CAP2: variants seen among roughly 807,000 people sequenced by gnomAD.
The protein encoded by CAP2 is adenylyl cyclase-associated protein 2.
In CAP2, 24 loss-of-function variants were observed where a neutral mutation model predicts 57.7. The ratio of observed to expected loss-of-function variants is 0.42; its 90% CI spans 0.30 to 0.58. CAP2 has a LOEUF of 0.58. Ranked by LOEUF, CAP2 falls within the 20% of genes least tolerant of loss-of-function variation. The probability of loss-of-function intolerance (pLI) is 0.22; values close to 1 mark genes in which losing one functional copy is unlikely to be tolerated. For synonymous variants in CAP2, 194 were observed against 207.2 expected (o/e 0.94, Z 0.55); for missense variants, 501 against 590.3 (o/e 0.85, Z 1.57).
intron 3 of CAP2, among the ~76,000 whole-genome samples, chr6:17,428,687 G>A (rs1186547824): frequency 1.3e-5 from 2 of 151,598 alleles, no homozygotes; most frequent in Non-Finnish European, 2.9e-5. Context: ...TGACGAGTTA[G>A]TGGGTGCAGC....
chr6:17,431,356 A>G (rs185133930), intron 3 of CAP2, among the ~76,000 whole-genome samples: 202 of 152,354 alleles, frequency 1.3e-3, no homozygotes, highest in Non-Finnish European at 1.5e-3. Flanking sequence ...AATTATTTAA[A>G]ATGAAAGAAC....
rs1376096854 is a variant in CAP2, at chr6:17,474,183, GTCTT to G, written c.300+11112_300+11115del. 4.9e-4 allele frequency among the ~76,000 whole-genome samples: 51 copies of G among 104,734 alleles called. 1 individual carries two copies. The highest frequency in any genetic ancestry group is 1.7e-3 in the African/African-American group (46 of 26,468). The allele number at this position is 104,734 out of a possible 152,430, so 68.7% of individuals were successfully genotyped here. A position where few individuals can be genotyped will look rare whatever the true frequency, so the allele number is the denominator to read the frequency against. On this transcript the variant is annotated intron_variant, in intron 4 of 12. Coordinates refer to ENST00000229922, the MANE Select transcript of CAP2 (RefSeq NM_006366.3). ...CTAATCAAGACAGAGGAAAAAAACA[GTCTT>G]TTTTTTTTTTTTTTTTTTTTTTTGT... is the stretch of plus-strand genomic sequence containing the variant.
rs34235894 is a variant in CAP2, at chr6:17,421,615, G to A, written c.60G>A (p.Ser20=). The change falls in exon 2 of 13, where the codon TCG becomes TCA. Residue 20 remains serine (S), a synonymous_variant. Transcript: ENST00000229922. The part of the protein sequence containing the change: ...RLERAVSRLE[S]LSAESHRPPG... ...AACGAGCTGTCAGCCGCCTGGAGTC[G>A]CTGTCTGCAGAGTCCCACAGGCCCC... 1,632 of 1,613,964 alleles carry A rather than the reference G, an allele frequency of 1.0e-3. 7 individuals carry two copies. The African/African-American group carries it at 0.019, about 19-fold the overall frequency.
At chr6:17,407,747 C>A (rs1759020158) in intron 1 of CAP2, among the ~76,000 whole-genome samples, 1 of 143,896 alleles carries the variant, frequency 6.9e-6, no homozygotes, top group African/African-American at 2.6e-5. Context: ...CCACTGCACT[C>A]CAGCCTAGGT....
intron 4 of CAP2, among the ~76,000 whole-genome samples, chr6:17,474,094 AT>A (rs1185821302): frequency 1.3e-5 from 2 of 150,480 alleles, no homozygotes; most frequent in African/African-American, 4.9e-5. Context: ...ACCATTTTCC[AT>A]TTTTTAGCCC....
intron 7 of CAP2, among the ~76,000 whole-genome samples, chr6:17,523,354 A>G (rs1762432604): frequency 6.6e-6 from 1 of 152,176 alleles, no homozygotes; most frequent in Admixed American, 6.5e-5. Flanking sequence ...AAAAATCTTC[A>G]CCTGGGGTTT....
chr6:17,453,989 A>G (rs150235455), intron 3 of CAP2, among the ~76,000 whole-genome samples: 2 of 146,106 alleles, frequency 1.4e-5, no homozygotes, highest in African/African-American at 2.6e-5. Flanking sequence ...GGCTCAAGCA[A>G]CCCTCCCACC....
At chr6:17,520,458 A>T (rs995602148) in intron 7 of CAP2, among the ~76,000 whole-genome samples, 1 of 152,070 alleles carries the variant, frequency 6.6e-6, no homozygotes, top group Admixed American at 6.6e-5. Context: ...AATCCATCCT[A>T]TACACTATCA....
intron 3 of CAP2, among the ~76,000 whole-genome samples, chr6:17,435,194 T>G (rs1290808358): frequency 2.7e-5 from 3 of 112,846 alleles, no homozygotes; most frequent in African/African-American, 9.9e-5. Context: ...TATATCCAAA[T>G]GAGTATAAAT....
chr6:17,501,890 A>G (rs948686236), intron 4 of CAP2, among the ~76,000 whole-genome samples: 35 of 152,208 alleles, frequency 2.3e-4, no homozygotes, highest in African/African-American at 8.2e-4. Context: ...CAGTTTGTTC[A>G]TGCATCTCTT....
chr6:17,444,804 CCACACA>C (rs142931025), intron 3 of CAP2, among the ~76,000 whole-genome samples: 4,182 of 140,476 alleles, frequency 0.03, 160 homozygotes, highest in African/African-American at 0.089. Context: ...TTCTCTCTCT[CCACACA>C]CACACACACA....
At chr6:17,520,514 G>A (rs965865377) in intron 7 of CAP2, among the ~76,000 whole-genome samples, 16 of 152,238 alleles carry the variant, frequency 1.1e-4, no homozygotes, top group African/African-American at 3.6e-4. Flanking sequence ...CAAGTCGTTG[G>A]TGGTGGTTAC....
intron 1 of CAP2, among the ~76,000 whole-genome samples, chr6:17,399,523 G>T (rs1039524567): frequency 1.3e-5 from 2 of 152,128 alleles, no homozygotes; most frequent in Admixed American, 1.3e-4. Flanking sequence ...AGGGACATAG[G>T]ACATTGTCTG....
At chr6:17,529,651 A>AAAATATATATAT (rs10656588) in intron 7 of CAP2, among the ~76,000 whole-genome samples, 12 of 134,532 alleles carry the variant, frequency 8.9e-5, no homozygotes, top group African/African-American at 1.8e-4. Flanking sequence ...AAAAAAAAAA[A>AAAATATATATAT]ATATATATAT....
intron 1 of CAP2, among the ~76,000 whole-genome samples, chr6:17,394,259 C>T (rs1207490542): frequency 1.3e-5 from 2 of 152,052 alleles, no homozygotes; most frequent in Non-Finnish European, 2.9e-5. Context: ...CTCTGCAGAA[C>T]CTGACTTGAG....
At chr6:17,515,364 G>T (rs1762252827) in intron 7 of CAP2, among the ~76,000 whole-genome samples, 1 of 152,130 alleles carries the variant, frequency 6.6e-6, no homozygotes, top group African/African-American at 2.4e-5. Context: ...GGAACAGAAT[G>T]CCAATACCGT....
intron 7 of CAP2, among the ~76,000 whole-genome samples, chr6:17,522,834 C>T (rs1581592872): frequency 1.3e-5 from 2 of 152,254 alleles, no homozygotes; most frequent in Admixed American, 6.5e-5. Context: ...CTCACTCTGT[C>T]GCCAGGCTGG....
intron 4 of CAP2, among the ~76,000 whole-genome samples, chr6:17,502,633 T>A (rs1054552116): frequency 6.6e-6 from 1 of 152,128 alleles, no homozygotes; most frequent in African/African-American, 2.4e-5. Flanking sequence ...GAAGACTCTG[T>A]CTCCTCAGAC....
intron 3 of CAP2, among the ~76,000 whole-genome samples, chr6:17,444,301 TGGCG>T (rs1247685535): frequency 6.6e-6 from 1 of 152,162 alleles, no homozygotes; most frequent in Non-Finnish European, 1.5e-5. Flanking sequence ...GAATTTACTG[TGGCG>T]GACAGCTTGA....
Sources: gnomAD v4.1 joint callset for allele counts (sites outside exome capture counted in the v4.1 genomes callset) on GRCh38, gnomAD v4.1.1 for gene constraint, MANE v1.5 for transcripts, NCBI Gene and HGNC (gene_info 2026-07-23, HGNC 2026-07-21) for gene names.